Variants in SH3PXD2B observed in about 807,000 individuals in gnomAD.
SH3PXD2B encodes the protein SH3 and PX domain-containing protein 2B.
Under a neutral mutation model 73.1 loss-of-function variants are expected in SH3PXD2B, and 37 were observed. The ratio of observed to expected loss-of-function variants is 0.51; its 90% CI spans 0.39 to 0.67. SH3PXD2B has a LOEUF of 0.67. SH3PXD2B is among the 30% of genes least tolerant of loss of function. The pLI, the probability that SH3PXD2B is intolerant of heterozygous loss-of-function variation, is 0.00. For synonymous variants in SH3PXD2B, 457 were observed against 480.5 expected (o/e 0.95, Z 0.64); for missense variants, 1,053 against 1,197.8 (o/e 0.88, Z 1.78).
At chr5:172,385,050 C>T (rs1758029520) in intron 4 of SH3PXD2B, among the ~76,000 whole-genome samples, 1 of 152,160 alleles carries the variant, frequency 6.6e-6, no homozygotes, top group African/African-American at 2.4e-5. Flanking sequence ...GCAGGCCCTT[C>T]CCTCCCTCAC....
At position 172,394,430 on chromosome 5, in the gene SH3PXD2B, G is replaced by T. The variant is rs546236077; in HGVS notation, c.309+133C>A. The stretch of plus-strand genomic sequence containing the variant: ...GCCTCTAAGTTGAATGATAATGAAT[G>T]ATTTTCCCCCTAATTTCTTTACATT... On this transcript the variant is annotated intron_variant, in intron 4 of 12. Coordinates refer to ENST00000311601, the MANE Select transcript of SH3PXD2B (RefSeq NM_001017995.3). 9.2e-5 allele frequency: 80 copies of T among 874,070 alleles called. 3 individuals carry two copies. The South Asian group carries it at 1.1e-3, about 12-fold the overall frequency. 54.1% of individuals were successfully genotyped at this position (874,070 alleles called of 1,614,324 possible). A position where few individuals can be genotyped will look rare whatever the true frequency, so the allele number is the denominator to read the frequency against.
downstream of SH3PXD2B, among the ~76,000 whole-genome samples, chr5:172,329,871 C>G (rs1224848360): frequency 6.6e-6 from 1 of 152,036 alleles, no homozygotes; most frequent in Non-Finnish European, 1.5e-5. Flanking sequence ...TGAACCTGGG[C>G]CTTATTAATA....
In SH3PXD2B at chr5:172,339,644, G is replaced by A. The variant is rs1301651770; in HGVS notation, c.1461C>T (p.Asp487=). The change falls in exon 13 of 13, where the codon GAC becomes GAT. Residue 487 remains aspartate, a synonymous_variant. Coordinates refer to ENST00000311601, the MANE Select transcript of SH3PXD2B (RefSeq NM_001017995.3). The surrounding 1 kb of genome is among the most constrained non-coding windows in gnomAD (Gnocchi z 6.1). ...VMDSGLPWSK[D]WKGSKDVLRK... ...TCAGGACATCCTTACTGCCCTTCCA[G>A]TCTTTAGACCATGGCAACCCCGAGT... 2 of 1,614,242 alleles carry A rather than the reference G, an allele frequency of 1.2e-6. No homozygotes were observed. Among genetic ancestry groups the A allele is most frequent in the East Asian group, 4.5e-5 (2 of 44,880 alleles).
At chr5:172,345,630 G>A (rs995402438) in intron 12 of SH3PXD2B, among the ~76,000 whole-genome samples, 4 of 152,128 alleles carry the variant, frequency 2.6e-5, no homozygotes, top group Non-Finnish European at 4.4e-5. Flanking sequence ...AACCCCATGA[G>A]GAAAGGAAAG....
chr5:172,394,925 G>A lies in SH3PXD2B; in HGVS notation c.233-286C>T, dbSNP rs75198353. Reference sequence around the variant, plus strand: ...CTGGAAGCAACTGTGGAAGGAAGCCGCTCCTACCTGATGAAGAAAGAAGGT... The same window carrying A: ...CTGGAAGCAACTGTGGAAGGAAGCCACTCCTACCTGATGAAGAAAGAAGGT... On this transcript the variant is annotated intron_variant, in intron 3 of 12. Transcript: ENST00000311601. 0.037 allele frequency among the ~76,000 whole-genome samples: 5,679 copies of A among 152,182 alleles called. 314 individuals carry two copies. The highest frequency in any genetic ancestry group is 0.12 in the African/African-American group (5,092 of 41,510).
chr5:172,342,410 G>T (rs1178175396), intron 12 of SH3PXD2B, among the ~76,000 whole-genome samples: 2 of 152,154 alleles, frequency 1.3e-5, no homozygotes, highest in African/African-American at 4.8e-5. Context: ...CCGTCGATCG[G>T]AGGAGAGTCA....
chr5:172,422,878 C>T (rs535487272), intron 1 of SH3PXD2B, among the ~76,000 whole-genome samples: 3 of 152,308 alleles, frequency 2.0e-5, no homozygotes, highest in Admixed American at 1.3e-4. Flanking sequence ...GTCACGGAGA[C>T]GTGCAGCTCT....
intron 11 of SH3PXD2B, 115 bp from the exon 12 acceptor site, chr5:172,346,376 C>T: frequency 6.6e-7 from 1 of 1,521,534 alleles, no homozygotes; most frequent in Non-Finnish European, 9.0e-7. Context: ...GTGCTGGGGA[C>T]CTAGTTGGAT....
At chr5:172,355,754 C>T (rs907957076) in intron 8 of SH3PXD2B, among the ~76,000 whole-genome samples, 22 of 152,122 alleles carry the variant, frequency 1.4e-4, no homozygotes, top group African/African-American at 4.8e-4. Flanking sequence ...CCGTGTTAGC[C>T]GGGATGGTCT....
downstream of SH3PXD2B, among the ~76,000 whole-genome samples, chr5:172,331,617 T>G (rs1259361482): frequency 6.6e-6 from 1 of 152,068 alleles, no homozygotes; most frequent in East Asian, 1.9e-4. Flanking sequence ...TTTGCAGGTA[T>G]GAGAGGGTGA....
chr5:172,377,558 A>G (rs1208908329), intron 5 of SH3PXD2B, among the ~76,000 whole-genome samples: 1 of 152,158 alleles, frequency 6.6e-6, no homozygotes, highest in Non-Finnish European at 1.5e-5. Flanking sequence ...GGTCTTGCTT[A>G]GTCCTCACAA....
At chr5:172,359,855 G>A (rs1757361272) in intron 7 of SH3PXD2B, among the ~76,000 whole-genome samples, 1 of 152,198 alleles carries the variant, frequency 6.6e-6, no homozygotes, top group Non-Finnish European at 1.5e-5. Flanking sequence ...TGTAATCCCA[G>A]GGGTCCTTAA....
At chr5:172,387,715 T>C (rs1177216557) in intron 4 of SH3PXD2B, among the ~76,000 whole-genome samples, 1 of 152,252 alleles carries the variant, frequency 6.6e-6, no homozygotes, top group Non-Finnish European at 1.5e-5. Flanking sequence ...GGTGGCTTGA[T>C]AATAAATACT....
At chr5:172,439,688 GCGCGCACACA>G (rs1759502462) in intron 1 of SH3PXD2B, among the ~76,000 whole-genome samples, 93 of 104,238 alleles carry the variant, frequency 8.9e-4, no homozygotes, top group Admixed American at 7.3e-3. Context: ...GCGCGCACGC[GCGCGCACACA>G]CACACACACA....
At chr5:172,428,962 A>G (rs1759166524) in intron 1 of SH3PXD2B, among the ~76,000 whole-genome samples, 1 of 152,158 alleles carries the variant, frequency 6.6e-6, no homozygotes, top group Non-Finnish European at 1.5e-5. Context: ...TGCCCCTGCT[A>G]TAGGACTCCT....
intron 12 of SH3PXD2B, among the ~76,000 whole-genome samples, chr5:172,327,554 A>G (rs1322542338): frequency 1.3e-5 from 2 of 152,204 alleles, no homozygotes; most frequent in Middle Eastern, 3.2e-3. Flanking sequence ...ACAATACATA[A>G]CAAATCAACT....
At chr5:172,431,256 T>G (rs1320369200) in intron 1 of SH3PXD2B, among the ~76,000 whole-genome samples, 1 of 152,246 alleles carries the variant, frequency 6.6e-6, no homozygotes, top group Non-Finnish European at 1.5e-5. Flanking sequence ...AATCAGGTTC[T>G]TTCTTTCTCA....
rs75378490 is a variant in SH3PXD2B at position 172,343,284 on chromosome 5, A to G, written c.1188+2852T>C. Among the ~76,000 whole-genome samples the G allele has an allele frequency of 8.8e-4, 134 of 152,364 alleles. 2 individuals are homozygous for G. The East Asian group carries it at 0.022, about 25-fold the overall frequency. ...ACAGGCCACACTGGGCATACGAGTC[A>G]TCGTCAGCACATCCATGAATTCAAC... On this transcript the variant is annotated intron_variant, in intron 12 of 12. Coordinates refer to ENST00000311601, the MANE Select transcript of SH3PXD2B (RefSeq NM_001017995.3).
chr5:172,404,223 T>C (rs893391102), intron 3 of SH3PXD2B, among the ~76,000 whole-genome samples: 2 of 152,188 alleles, frequency 1.3e-5, no homozygotes, highest in African/African-American at 4.8e-5. Context: ...TGTTCTGGAC[T>C]AGGGGGTTGG....
Sources: gnomAD v4.1 joint callset for allele counts (sites outside exome capture counted in the v4.1 genomes callset) on GRCh38, gnomAD v4.1.1 for gene constraint, Gnocchi (gnomAD v3.1) non-coding constraint, MANE v1.5 for transcripts, NCBI Gene and HGNC (gene_info 2026-07-23, HGNC 2026-07-21) for gene names.